GCNT2: variants seen among roughly 807,000 people sequenced by gnomAD.
GCNT2 encodes the protein N-acetyllactosaminide beta-1,6-N-acetylglucosaminyl-transferase.
GCNT2 carries 34 observed loss-of-function variants against 34.2 expected under a neutral mutation model. That is an observed-to-expected ratio of 1.00 (90% CI 0.76 to 1.32). The LOEUF (loss-of-function observed/expected upper bound fraction) is 1.32. GCNT2 is among the 40% of genes most tolerant of loss of function. GCNT2 has a pLI of 0.00. For missense variants in GCNT2, 584 were observed against 489.4 expected, an observed-to-expected ratio of 1.19 and a Z score of -1.82; for synonymous variants, 212 against 188.0, an observed-to-expected ratio of 1.13 and a Z score of -1.04.
At chr6:10,550,611 C>G (rs926973388) in intron 3 of GCNT2, among the ~76,000 whole-genome samples, 1 of 152,126 alleles carries the variant, frequency 6.6e-6, no homozygotes, top group African/African-American at 2.4e-5. Context: ...CCACCTCAGC[C>G]ACCCAAGTAG....
intron 3 of GCNT2, among the ~76,000 whole-genome samples, chr6:10,611,850 A>T (rs1300332841): frequency 1.3e-5 from 2 of 152,232 alleles, no homozygotes; most frequent in Non-Finnish European, 1.5e-5. Flanking sequence ...TATAAAAGCA[A>T]TACAACATTA....
At chr6:10,573,847 C>G (rs182928809) in intron 3 of GCNT2, among the ~76,000 whole-genome samples, 12 of 152,278 alleles carry the variant, frequency 7.9e-5, no homozygotes, top group Middle Eastern at 3.4e-3. Context: ...TGAGACTGCC[C>G]GTGACAATGG....
At chr6:10,571,758 C>A (rs565907920) in intron 3 of GCNT2, among the ~76,000 whole-genome samples, 2 of 152,086 alleles carry the variant, frequency 1.3e-5, no homozygotes, top group Admixed American at 1.3e-4. Context: ...AATTTAAATG[C>A]GTTCTTTTGG....
intron 3 of GCNT2, among the ~76,000 whole-genome samples, chr6:10,597,741 C>T (rs968801150): frequency 1.3e-5 from 2 of 150,738 alleles, no homozygotes; most frequent in East Asian, 3.9e-4. Flanking sequence ...GGATTATAGG[C>T]GTGAGCCACC....
In GCNT2 at chr6:10,628,105, G is replaced by A. The variant is rs1344055359; in HGVS notation, c.*1498G>A. On this transcript the variant is annotated 3_prime_UTR_variant, in exon 5 of 5. Transcript: ENST00000495262. ...TGGTCTTCTCAGTTCATTTCCTGAG[G>A]TGGATTTACTGAGAGAAGGTGAAAT... 1 of 152,554 alleles carries A rather than the reference G, an allele frequency of 6.6e-6. No individual in the cohort carries two copies. Among genetic ancestry groups the A allele is most frequent in the East Asian group, 1.9e-4 (1 of 5,192 alleles). 9.5% of individuals were successfully genotyped at this position (152,554 alleles called of 1,614,324 possible).
intron 3 of GCNT2, among the ~76,000 whole-genome samples, chr6:10,584,762 T>TACA: frequency 6.6e-6 from 1 of 152,370 alleles, no homozygotes. Flanking sequence ...CTTGATTCAA[T>TACA]ACAGCACATG....
At chr6:10,556,721 G>T (rs767716288) in intron 3 of GCNT2, 7 of 1,614,142 alleles carry the variant, frequency 4.3e-6, no homozygotes, top group Non-Finnish European at 5.9e-6. Context: ...ATATATAATG[G>T]TCATCCATCA....
At chr6:10,573,537 T>G (rs542185283) in intron 3 of GCNT2, among the ~76,000 whole-genome samples, 9 of 152,322 alleles carry the variant, frequency 5.9e-5, no homozygotes, top group Middle Eastern at 3.4e-3. Flanking sequence ...ATAGCAAGCT[T>G]CTTCGATTTA....
In GCNT2 at chr6:10,627,543, G is replaced by T. The variant is rs1766314415; in HGVS notation, c.*936G>T. On this transcript the variant is annotated 3_prime_UTR_variant, in exon 5 of 5. Transcript: ENST00000495262. Reference sequence around the variant, plus strand: ...TTTACACTGCCTGGTACTGATAGTAGTGGCTCGATTTTTAAGAGCCTTCAA... The same window carrying T: ...TTTACACTGCCTGGTACTGATAGTATTGGCTCGATTTTTAAGAGCCTTCAA... 1 of 152,188 alleles carries T rather than the reference G, an allele frequency of 6.6e-6. No individual in the cohort carries two copies. Among genetic ancestry groups the T allele is most frequent in the South Asian group, 2.1e-4 (1 of 4,834 alleles). 9.4% of individuals were successfully genotyped at this position (152,188 alleles called of 1,614,324 possible). A position where few individuals can be genotyped will look rare whatever the true frequency, so the allele number is the denominator to read the frequency against.
chr6:10,557,062 C>T, intron 3 of GCNT2: 1 of 1,607,362 alleles, frequency 6.2e-7, no homozygotes, highest in Non-Finnish European at 8.5e-7. Flanking sequence ...GTAAAAATAT[C>T]ACCCCAGGGG....
At chr6:10,529,970 T>G in intron 3 of GCNT2, 134 bp downstream of exon 3, 1 of 754,886 alleles carries the variant, frequency 1.3e-6, no homozygotes, top group Non-Finnish European at 2.2e-6. Context: ...AAAAAAAAAT[T>G]TCATCTGTAA....
At chr6:10,535,979 C>G (rs1283197608) in intron 3 of GCNT2, among the ~76,000 whole-genome samples, 1 of 152,166 alleles carries the variant, frequency 6.6e-6, no homozygotes, top group Non-Finnish European at 1.5e-5. Context: ...ATTTCTATTT[C>G]CTGTAGAGTC....
At chr6:10,605,983 G>GGGT (rs1350560991) in intron 3 of GCNT2, among the ~76,000 whole-genome samples, 2 of 152,080 alleles carry the variant, frequency 1.3e-5, no homozygotes, top group East Asian at 3.9e-4. Context: ...TTCACTTGAT[G>GGGT]GCCTCAAGGA....
intron 3 of GCNT2, among the ~76,000 whole-genome samples, chr6:10,577,504 C>T (rs1763873039): frequency 6.6e-6 from 1 of 152,126 alleles, no homozygotes; most frequent in East Asian, 1.9e-4. Context: ...GCTCGAATTC[C>T]ATGGTTCCAT....
chr6:10,597,115 T>G (rs1764885468), intron 3 of GCNT2, among the ~76,000 whole-genome samples: 1 of 152,004 alleles, frequency 6.6e-6, no homozygotes, highest in Non-Finnish European at 1.5e-5. Context: ...AAGAAAGTTT[T>G]TAAGGTGTTT....
At chr6:10,571,746 A>G (rs184205514) in intron 3 of GCNT2, among the ~76,000 whole-genome samples, 23 of 152,290 alleles carry the variant, frequency 1.5e-4, no homozygotes, top group Non-Finnish European at 2.9e-5. Context: ...TGTAGTTGGT[A>G]TAATTTAAAT....
In GCNT2 at chr6:10,612,188, T is replaced by C. The variant is rs886498611; in HGVS notation, c.926-9163T>C. 3.9e-5 allele frequency among the ~76,000 whole-genome samples: 6 copies of C among 152,196 alleles called. No homozygotes were observed. The East Asian group carries it at 1.2e-3, about 29-fold the overall frequency. On this transcript the variant is annotated intron_variant, in intron 3 of 4. Transcript: ENST00000495262. ...TTTTAGTAGAGACAGGCTTTCACCATGTTGGCCAGGCTGGTCTTGAACTCC... is the reference window on the plus strand; with the variant it reads ...TTTTAGTAGAGACAGGCTTTCACCACGTTGGCCAGGCTGGTCTTGAACTCC...
In GCNT2 at chr6:10,628,340, T is replaced by G. The variant is rs76447432; in HGVS notation, c.*1733T>G. 0.031 allele frequency: 4,776 copies of G among 152,718 alleles called. 113 individuals carry two copies. Among genetic ancestry groups the G allele is most frequent in the Middle Eastern group, 0.088 (26 of 294 alleles). 9.5% of individuals were successfully genotyped at this position (152,718 alleles called of 1,614,324 possible). A position where few individuals can be genotyped will look rare whatever the true frequency, so the allele number is the denominator to read the frequency against. ...ACATTTAATGAACACAATTTTATTTTTTTTCTGTAACTGTGCTTGTTGAAT... is the reference window on the plus strand; with the variant it reads ...ACATTTAATGAACACAATTTTATTTGTTTTCTGTAACTGTGCTTGTTGAAT... On this transcript the variant is annotated 3_prime_UTR_variant, in exon 5 of 5. Coordinates refer to ENST00000495262, the MANE Select transcript of GCNT2 (RefSeq NM_145649.5).
chr6:10,547,964 T>G (rs1762338211), intron 3 of GCNT2, among the ~76,000 whole-genome samples: 2 of 152,234 alleles, frequency 1.3e-5, no homozygotes, highest in South Asian at 4.1e-4. Flanking sequence ...GGCTTGTGTG[T>G]TCTTTCAACA....
Sources: gnomAD v4.1 joint callset for allele counts (sites outside exome capture counted in the v4.1 genomes callset) on GRCh38, gnomAD v4.1.1 for gene constraint, MANE v1.5 for transcripts, NCBI Gene and HGNC (gene_info 2026-07-23, HGNC 2026-07-21) for gene names.